CEP152: variants seen among roughly 807,000 people sequenced by gnomAD.
The protein encoded by CEP152 is centrosomal protein 152.
CEP152 carries 132 observed loss-of-function variants against 188.9 expected under a neutral mutation model. The ratio of observed to expected loss-of-function variants is 0.70; its 90% CI spans 0.61 to 0.81. CEP152 has a LOEUF of 0.81. Among genes scored for constraint, CEP152 ranks in the 30% least tolerant of loss-of-function variants. CEP152 has a pLI of 0.00. For synonymous variants in CEP152, 649 were observed against 666.6 expected (o/e 0.97, Z 0.41); for missense variants, 1,914 against 1,969.8 (o/e 0.97, Z 0.54).
intron 1 of CEP152, among the ~76,000 whole-genome samples, chr15:48,806,902 A>G (rs1252264652): frequency 6.6e-6 from 1 of 152,096 alleles, no homozygotes; most frequent in Non-Finnish European, 1.5e-5. Context: ...GTGAAAAGAA[A>G]ATATGCAAGC....
At chr15:48,744,601 C>A (rs1272437077) in intron 23 of CEP152, among the ~76,000 whole-genome samples, 1 of 151,644 alleles carries the variant, frequency 6.6e-6, no homozygotes, top group Non-Finnish European at 1.5e-5. Context: ...AGGAGAATAT[C>A]TAATAACATG....
chr15:48,766,634 A>T (rs1895121645), intron 17 of CEP152, among the ~76,000 whole-genome samples: 1 of 152,200 alleles, frequency 6.6e-6, no homozygotes, highest in Admixed American at 6.5e-5. Context: ...AGAAGAATAA[A>T]ATGACAATGA....
downstream of CEP152, among the ~76,000 whole-genome samples, chr15:48,737,002 T>A (rs1462891719): frequency 6.6e-6 from 1 of 152,214 alleles, no homozygotes; most frequent in Non-Finnish European, 1.5e-5. Context: ...CAAGTGAGAC[T>A]TTGACAAGAT....
rs769723865 is a variant in CEP152 at position 48,796,102 on chromosome 15, G to T, written c.599C>A (p.Ser200Tyr). 1.2e-6 allele frequency: 2 copies of T among 1,613,886 alleles called. No homozygotes were observed. Among genetic ancestry groups the T allele is most frequent in the Non-Finnish European group, 1.7e-6 (2 of 1,179,834 alleles). ...TGGTGAGCCATTATTCTGGGCAGAA[G>T]ACTGATAAGGTTTATATGTCACTTT... ...YNKVTYKPYQ[S>Y]SAQNNGSPAQ... The change falls in exon 6 of 27, where the codon TCT becomes TAT. Residue 200 changes from serine (S) to tyrosine (Y), a missense_variant. Transcript: ENST00000380950.
At chr15:48,788,309 T>A (rs1424555261) in intron 9 of CEP152, among the ~76,000 whole-genome samples, 1 of 150,450 alleles carries the variant, frequency 6.6e-6, no homozygotes, top group Non-Finnish European at 1.5e-5. Flanking sequence ...ATTCTCAGAT[T>A]AAAATATCAC....
chr15:48,731,273 C>T (rs187706583), intron 2 of CEP152, among the ~76,000 whole-genome samples: 13 of 152,274 alleles, frequency 8.5e-5, no homozygotes, highest in Non-Finnish European at 1.6e-4. Context: ...GTATATCTTA[C>T]CTTCCTGTGT....
In CEP152 at chr15:48,739,284, C is replaced by A; in HGVS notation, c.4098G>T (p.Leu1366=). The part of the protein sequence containing the change: ...KSQSKTTQSA[L]PLTSEMLIAV... ...CAATCAGCATCTCTGAAGTTAGGGGCAGTGCTATTATGTGCAAGGAAACAC... is the reference window on the plus strand; with the variant it reads ...CAATCAGCATCTCTGAAGTTAGGGGAAGTGCTATTATGTGCAAGGAAACAC... Residue 1366 remains leucine (L), a synonymous_variant, in exon 27 of 27, where the codon CTG becomes CTT. Transcript: ENST00000380950. 6.2e-7 allele frequency: 1 copy of A among 1,612,602 alleles called. No homozygotes were observed. Among genetic ancestry groups the A allele is most frequent in the Non-Finnish European group, 8.5e-7 (1 of 1,179,730 alleles).
At chr15:48,732,353 A>G (rs1892450622) in intron 2 of CEP152, among the ~76,000 whole-genome samples, 1 of 152,254 alleles carries the variant, frequency 6.6e-6, no homozygotes, top group Admixed American at 6.5e-5. Context: ...CTATGCAGCC[A>G]TAAAAAAGAA....
rs753956162 is a variant in CEP152, at chr15:48,791,366, A to T, written c.843T>A (p.Asp281Glu). The T allele has an allele frequency of 6.2e-7, 1 of 1,611,928 alleles. No homozygotes were observed. The highest frequency in any genetic ancestry group is 1.1e-5 in the South Asian group (1 of 91,028). ...ATTCTCGAAGGCTGAGAGTCAAACC[A>T]TCCTTTTCATCTACGGTATTAAAAA... ...HQLVIIKDEK[D>E]GLTLSLRESQ... Residue 281 changes from aspartate (D) to glutamate (E), a missense_variant, in exon 8 of 27, where the codon GAT becomes GAA. Transcript: ENST00000380950.
chr15:48,768,328 C>G lies in CEP152; in HGVS notation c.1909G>C (p.Glu637Gln). 6.7e-7 allele frequency: 1 copy of G among 1,503,318 alleles called. No individual in the cohort carries two copies. The highest frequency in any genetic ancestry group is 9.3e-7 in the Non-Finnish European group (1 of 1,079,498). 93.1% of individuals were successfully genotyped at this position (1,503,318 alleles called of 1,614,324 possible). A position where few individuals can be genotyped will look rare whatever the true frequency, so the allele number is the denominator to read the frequency against. ...AGTTTTCCTTCAGTTTCTTTAAGTTCCTAGACACAAAAGAATAAACTTAGT... is the reference window on the plus strand; with the variant it reads ...AGTTTTCCTTCAGTTTCTTTAAGTTGCTAGACACAAAAGAATAAACTTAGT... ...EIQVLQQQNQ[E>Q]LKETEGKLRN... The change falls in exon 15 of 27, where the codon GAA becomes CAA. Residue 637 changes from glutamate (E) to glutamine (Q), a missense_variant and splice_region_variant. By Grantham distance (29) the Glu-to-Gln change is conservative (BLOSUM62 2). Transcript: ENST00000380950.
intron 26 of CEP152, chr15:48,741,196 C>A: frequency 9.3e-7 from 1 of 1,072,538 alleles, no homozygotes; most frequent in Non-Finnish European, 1.1e-6. Context: ...GTGGCACAAT[C>A]ATAGCTTACT....
At chr15:48,763,711 G>T (rs749700832) in intron 17 of CEP152, among the ~76,000 whole-genome samples, 1 of 152,040 alleles carries the variant, frequency 6.6e-6, no homozygotes, top group Non-Finnish European at 1.5e-5. Flanking sequence ...ATAAGCTTGA[G>T]AATTCTTTTT....
At chr15:48,737,596 CAA>C (rs1488558575), downstream of CEP152, among the ~76,000 whole-genome samples, 4 of 151,970 alleles carry the variant, frequency 2.6e-5, no homozygotes, top group African/African-American at 9.7e-5. Context: ...ATAAAAGAGA[CAA>C]AGTTTTTGGA....
At chr15:48,805,343 G>T (rs983645450) in intron 2 of CEP152, among the ~76,000 whole-genome samples, 11 of 151,952 alleles carry the variant, frequency 7.2e-5, no homozygotes, top group Admixed American at 7.2e-4. Flanking sequence ...TTATCTGATG[G>T]TATTATTCAC....
rs915880131 is a variant in CEP152, at chr15:48,793,600, A to G, written c.692-139T>C. On this transcript the variant is annotated intron_variant, in intron 6 of 26. Coordinates refer to ENST00000380950, the MANE Select transcript of CEP152 (RefSeq NM_001194998.2). ...AATTCAGTGAATTGTGACTAGGATT[A>G]AAAAAGAGAGAGAGAATATATCAGA... The G allele has an allele frequency of 3.9e-5, 29 of 748,364 alleles. No homozygotes were observed. In the African/African-American group the frequency reaches 4.1e-4, roughly 11 times the overall value. 46.4% of individuals were successfully genotyped at this position (748,364 alleles called of 1,614,324 possible).
chr15:48,786,876 AG>A (rs1373829918), intron 9 of CEP152, among the ~76,000 whole-genome samples: 1 of 152,034 alleles, frequency 6.6e-6, no homozygotes, highest in Non-Finnish European at 1.5e-5. Context: ...CAGTGGGCAC[AG>A]GGGTAGAAAA....
chr15:48,750,440 A>G (rs1461873908), intron 21 of CEP152, among the ~76,000 whole-genome samples: 8 of 152,174 alleles, frequency 5.3e-5, no homozygotes, highest in Non-Finnish European at 1.0e-4. Context: ...ATCCAGCAAA[A>G]TTATTCTTAG....
chr15:48,740,689 A>G (rs1297930431), intron 26 of CEP152: 1 of 125,778 alleles, frequency 8.0e-6, no homozygotes, highest in Non-Finnish European at 1.5e-5. Flanking sequence ...CAGTGGTGCG[A>G]TCACAGCTCA....
Position 48,767,364 on chromosome 15 carries a change from C to T in CEP152, c.2118G>A (p.Glu706=). 1.9e-6 allele frequency: 3 copies of T among 1,614,174 alleles called. No homozygotes were observed. Among genetic ancestry groups the T allele is most frequent in the African/African-American group, 2.7e-5 (2 of 75,048 alleles). ...GTTGCAAATGAGTTCTCTCATAAGC[C>T]TCAAAGAGCTGCTGCTTCTCCAAAG... ...KHALEKQQLF[E]AYERTHLQLR... The change falls in exon 16 of 27, where the codon GAG becomes GAA. Residue 706 remains glutamate (E), a synonymous_variant. Transcript: ENST00000380950.
Sources: allele counts gnomAD v4.1 joint callset (sites outside exome capture counted in the v4.1 genomes callset), GRCh38; gene constraint gnomAD v4.1.1; transcripts MANE v1.5; gene names NCBI Gene and HGNC (gene_info 2026-07-23, HGNC 2026-07-21).